Variants in CSMD1 observed in about 807,000 individuals in gnomAD.
CSMD1 encodes the protein CUB and Sushi multiple domains 1.
Under a neutral mutation model 417.5 loss-of-function variants are expected in CSMD1, and 213 were observed. The ratio of observed to expected loss-of-function variants is 0.51; its 90% confidence interval spans 0.46 to 0.57. The LOEUF (loss-of-function observed/expected upper bound fraction) is 0.57, where lower values mean the gene tolerates loss of function less well. Among genes scored for constraint, CSMD1 ranks in the 20% least tolerant of loss-of-function variants. The pLI, the probability that CSMD1 is intolerant of heterozygous loss-of-function variation, is 0.00. For missense variants in CSMD1, 6,923 were observed against 4,529.7 expected (o/e 1.53, Z -15.17); for synonymous variants, 2,862 against 1,736.8 (o/e 1.65, Z -16.11).
intron 41 of CSMD1, 107 bp downstream of exon 41, chr8:3,142,358 C>G: frequency 1.0e-6 from 1 of 970,906 alleles, no homozygotes; most frequent in Non-Finnish European, 1.5e-6. Flanking sequence ...AAAAATTATT[C>G]CACTCGTACA....
chr8:3,724,672 G>A (rs932820414), intron 6 of CSMD1, among the ~76,000 whole-genome samples: 6 of 152,106 alleles, frequency 3.9e-5, no homozygotes, highest in African/African-American at 9.7e-5. Flanking sequence ...TGAGAATTCA[G>A]GGAGTCCATG....
intron 2 of CSMD1, among the ~76,000 whole-genome samples, chr8:4,493,785 G>C (rs1432606285): frequency 6.6e-6 from 1 of 152,100 alleles, no homozygotes; most frequent in Non-Finnish European, 1.5e-5. Context: ...CCTAAGAATA[G>C]TATTTACTAA....
chr8:3,547,005 C>A (rs1585341624), intron 10 of CSMD1, among the ~76,000 whole-genome samples: 1 of 152,198 alleles, frequency 6.6e-6, no homozygotes, highest in South Asian at 2.1e-4. Flanking sequence ...CGTCTCCCCT[C>A]CTGTCCACAG....
chr8:3,183,513 C>G (rs28741980), intron 36 of CSMD1, among the ~76,000 whole-genome samples: 2 of 41,548 alleles, frequency 4.8e-5, no homozygotes, highest in Non-Finnish European at 4.5e-5. Flanking sequence ...GGCATCCATC[C>G]ACGTCACAAA....
At chr8:4,107,432 A>T (rs1166626490) in intron 3 of CSMD1, among the ~76,000 whole-genome samples, 1 of 152,238 alleles carries the variant, frequency 6.6e-6, no homozygotes, top group African/African-American at 2.4e-5. Context: ...TACACATCAC[A>T]TTGGTACGGA....
At chr8:3,410,135 C>G (rs923976020) in intron 12 of CSMD1, among the ~76,000 whole-genome samples, 3 of 152,208 alleles carry the variant, frequency 2.0e-5, no homozygotes, top group Non-Finnish European at 4.4e-5. Flanking sequence ...CAGAATCAAT[C>G]TTTCATTAAA....
chr8:4,795,012 G>A (rs1360054211), intron 1 of CSMD1, among the ~76,000 whole-genome samples: 1 of 151,370 alleles, frequency 6.6e-6, no homozygotes, highest in African/African-American at 2.4e-5. Flanking sequence ...TGGGTAGAAA[G>A]GTCAAAGAAA....
intron 3 of CSMD1, among the ~76,000 whole-genome samples, chr8:4,387,899 T>A (rs1803563385): frequency 6.6e-6 from 1 of 152,078 alleles, no homozygotes; most frequent in Admixed American, 6.6e-5. Context: ...TCTGCCAAGA[T>A]TATATAAAGA....
In CSMD1 at chr8:3,851,521, C is replaced by T. The variant is rs146677699; in HGVS notation, c.819-97479G>A. Among the ~76,000 whole-genome samples the T allele has an allele frequency of 4.7e-4, 71 of 152,252 alleles. 2 individuals carry two copies. The East Asian group carries it at 0.013, about 28-fold the overall frequency. ...TTGAGACTTTTTGGCTCTGTTTGAT[C>T]AGGTGGTCCCTGAAAGGTGAGCCTC... On this transcript the variant is annotated intron_variant, in intron 5 of 69. Transcript: ENST00000635120.
intron 3 of CSMD1, among the ~76,000 whole-genome samples, chr8:4,168,130 AAAAT>A (rs1797557924): frequency 2.3e-5 from 3 of 130,530 alleles, no homozygotes; most frequent in African/African-American, 8.9e-5. Context: ...CTCTGTCTCA[AAAAT>A]AAAAAAAAAT....
At chr8:3,170,801 C>T (rs533752528) in intron 37 of CSMD1, among the ~76,000 whole-genome samples, 1 of 152,286 alleles carries the variant, frequency 6.6e-6, no homozygotes, top group Non-Finnish European at 1.5e-5. Context: ...AAGATATGGT[C>T]ACAGAATCTA....
intron 5 of CSMD1, among the ~76,000 whole-genome samples, chr8:3,772,363 A>ACATATATACATATATACATATATT (rs1798632298): frequency 3.5e-5 from 3 of 86,422 alleles, no homozygotes; most frequent in Non-Finnish European, 2.7e-5. Context: ...ATTTATATAT[A>ACATATATACATATATACATATATT]CATATATACA....
chr8:4,062,995 C>G (rs1799058738), intron 3 of CSMD1, among the ~76,000 whole-genome samples: 1 of 151,810 alleles, frequency 6.6e-6, no homozygotes, highest in Non-Finnish European at 1.5e-5. Context: ...GTAATCCAGA[C>G]ACTTATTAAG....
chr8:4,244,519 T>A (rs1802583228), intron 3 of CSMD1, among the ~76,000 whole-genome samples: 2 of 151,792 alleles, frequency 1.3e-5, no homozygotes, highest in Admixed American at 1.3e-4. Context: ...TGTTAGCAAG[T>A]CAAATAAAAT....
At chr8:3,070,494 C>T (rs118185130) in intron 49 of CSMD1, among the ~76,000 whole-genome samples, 6,394 of 152,226 alleles carry the variant, frequency 0.042, 189 homozygotes, top group Non-Finnish European at 0.065. Context: ...TAACCAGATA[C>T]CCAACTCATT....
At chr8:4,355,334 C>G (rs1020898227) in intron 3 of CSMD1, among the ~76,000 whole-genome samples, 12 of 151,600 alleles carry the variant, frequency 7.9e-5, no homozygotes, top group African/African-American at 2.7e-4. Flanking sequence ...CGCACACACA[C>G]ACACGTATAT....
In CSMD1 at chr8:3,182,749, C is replaced by CTGTGTGTG. The variant is rs138421791; in HGVS notation, c.5621-1543_5621-1536dup. 2.6e-4 allele frequency among the ~76,000 whole-genome samples: 28 copies of CTGTGTGTG among 105,786 alleles called. No individual in the cohort carries two copies. In the East Asian group the frequency reaches 6.7e-3, roughly 25 times the overall value. 69.4% of individuals were successfully genotyped at this position (105,786 alleles called of 152,430 possible). The stretch of plus-strand genomic sequence containing the variant: ...TCTGGCTGTCTCTTTATAAGAAGCT[C>CTGTGTGTG]TGTGTGTGTGTGTGTGTGTATTGTT... On this transcript the variant is annotated intron_variant, in intron 36 of 69. Transcript: ENST00000635120.
chr8:4,407,245 G>T (rs1196130988), intron 3 of CSMD1, among the ~76,000 whole-genome samples: 1 of 152,050 alleles, frequency 6.6e-6, no homozygotes, highest in Non-Finnish European at 1.5e-5. Context: ...GGATGTCAAT[G>T]GAATGTTTAA....
chr8:3,179,237 G>T (rs183129662), intron 37 of CSMD1, among the ~76,000 whole-genome samples: 1 of 152,026 alleles, frequency 6.6e-6, no homozygotes, highest in Admixed American at 6.6e-5. Context: ...GAGCCACCGC[G>T]CCCAGCCTAT....
Sources: allele counts gnomAD v4.1 joint callset (sites outside exome capture counted in the v4.1 genomes callset), GRCh38; gene constraint gnomAD v4.1.1; transcripts MANE v1.5; gene names NCBI Gene and HGNC (gene_info 2026-07-23, HGNC 2026-07-21).